Variants in COL6A6 observed in about 807,000 individuals in gnomAD.
The protein encoded by COL6A6 is collagen alpha-6(VI) chain.
COL6A6 carries 183 observed loss-of-function variants against 208.6 expected under a neutral mutation model. The ratio of observed to expected loss-of-function variants is 0.88; its 90% CI spans 0.78 to 0.99. The LOEUF is 0.99. COL6A6 is among the 50% of genes least tolerant of loss of function. The probability of loss-of-function intolerance (pLI) is 0.00; values close to 1 mark genes in which losing one functional copy is unlikely to be tolerated. For missense variants in COL6A6, 2,816 were observed against 2,815.2 expected (o/e 1.00, Z -0.01); for synonymous variants, 973 against 1,011.8 (o/e 0.96, Z 0.73).
chr3:130,600,522 A>G (rs2063981823), intron 20 of COL6A6, among the ~76,000 whole-genome samples: 1 of 152,218 alleles, frequency 6.6e-6, no homozygotes, highest in Non-Finnish European at 1.5e-5. Context: ...ACACCATGGA[A>G]TACTATGCAG....
intron 15 of COL6A6, 26 bp downstream of exon 15, chr3:130,592,748 C>T (rs2063751443): frequency 1.3e-6 from 2 of 1,582,644 alleles, no homozygotes; most frequent in Non-Finnish European, 1.7e-6. Context: ...CATCCATTTA[C>T]CTACCCATAT....
In COL6A6 at chr3:130,566,688, T is replaced by C. The variant is rs1187063732; in HGVS notation, c.1283-14T>C. On this transcript the variant is annotated splice_polypyrimidine_tract_variant and intron_variant, in intron 4 of 36. Transcript: ENST00000358511. ...TGCTCAAATGCCACATGCAACTTAT[T>C]GATTCCTTTTTAGGTTGTGTGGACA... 16 of 1,570,348 alleles carry C rather than the reference T, an allele frequency of 1.0e-5. No individual in the cohort carries two copies. Among genetic ancestry groups the C allele is most frequent in the Non-Finnish European group, 1.3e-5 (15 of 1,157,480 alleles).
chr3:130,540,464 C>T (rs1559964914), intron 1 of COL6A6, among the ~76,000 whole-genome samples: 1 of 56,470 alleles, frequency 1.8e-5, no homozygotes, highest in Non-Finnish European at 5.4e-5. Context: ...TTTCACTGAC[C>T]TACAGATCCT....
At chr3:130,659,924 C>T (rs944594491) in intron 34 of COL6A6, among the ~76,000 whole-genome samples, 3 of 152,234 alleles carry the variant, frequency 2.0e-5, no homozygotes. Context: ...TCAAATTTCC[C>T]TCTTTCCCTC....
At chr3:130,531,060 A>T (rs58910981) in intron 1 of COL6A6, among the ~76,000 whole-genome samples, 3 of 17,868 alleles carry the variant, frequency 1.7e-4, no homozygotes, top group African/African-American at 3.3e-4. Flanking sequence ...ACACACACAC[A>T]GTCTCTCTCT....
At chr3:130,641,575 A>T in intron 28 of COL6A6, 77 bp from the exon 29 acceptor site, 1 of 663,360 alleles carries the variant, frequency 1.5e-6, no homozygotes, top group Non-Finnish European at 2.3e-6. Context: ...TTTGAATTTT[A>T]ATTTTTTAAA....
chr3:130,595,930 G>C (rs1207391491), intron 18 of COL6A6, among the ~76,000 whole-genome samples: 1 of 152,274 alleles, frequency 6.6e-6, no homozygotes, highest in East Asian at 1.9e-4. Flanking sequence ...CAATGTATGA[G>C]AACGGTATTA....
intron 19 of COL6A6, among the ~76,000 whole-genome samples, chr3:130,598,728 AG>A (rs1168494993): frequency 1.3e-5 from 2 of 152,240 alleles, no homozygotes; most frequent in African/African-American, 4.8e-5. Flanking sequence ...GCTAGCTGAT[AG>A]AAAGAACTGT....
Position 130,565,357 on chromosome 3 carries a change from G to A in COL6A6, c.1025G>A (p.Arg342Gln), listed in dbSNP as rs368728937. ...VPQIAVLVTHRDSEDNVTKAA... is the reference protein window; with the variant it reads ...VPQIAVLVTHQDSEDNVTKAA... Reference sequence around the variant, plus strand: ...CAGATTGCCGTGCTGGTGACCCACCGAGATTCAGAAGACAACGTGACAAAA... The same window carrying A: ...CAGATTGCCGTGCTGGTGACCCACCAAGATTCAGAAGACAACGTGACAAAA... The change falls in exon 4 of 37, where the codon CGA becomes CAA. Residue 342 changes from arginine to glutamine, a missense_variant. Physicochemically the swap from Arg to Gln is conservative, Grantham distance 43 (BLOSUM62 1). Transcript: ENST00000358511. 1.9e-5 allele frequency: 30 copies of A among 1,613,930 alleles called. No individual in the cohort carries two copies. Among genetic ancestry groups the A allele is most frequent in the Admixed American group, 1.3e-4 (8 of 60,024 alleles).
In COL6A6 at chr3:130,549,372, G is replaced by A. The variant is rs550453537; in HGVS notation, c.-31-10962G>A. 9.9e-5 allele frequency among the ~76,000 whole-genome samples: 15 copies of A among 152,148 alleles called. No individual in the cohort carries two copies. The South Asian group carries it at 2.9e-3, about 30-fold the overall frequency. Reference sequence around the variant, plus strand: ...AGGCTCTCACTATGTTGCTCAGGCTGGCCTCAAACTCTTCAGTTTAATTGG... The same window carrying A: ...AGGCTCTCACTATGTTGCTCAGGCTAGCCTCAAACTCTTCAGTTTAATTGG... On this transcript the variant is annotated intron_variant, in intron 1 of 36. Coordinates refer to ENST00000358511, the MANE Select transcript of COL6A6 (RefSeq NM_001102608.3).
In COL6A6 at chr3:130,598,382, C is replaced by T. The variant is rs2108121709; in HGVS notation, c.4551C>T (p.Asp1517=). 1 of 1,549,662 alleles carries T rather than the reference C, an allele frequency of 6.5e-7. No individual in the cohort carries two copies. The highest frequency in any genetic ancestry group is 8.7e-7 in the Non-Finnish European group (1 of 1,145,014). The part of the protein sequence containing the change: ...LRGDPGAPGV[D]SSIEGPTGLK... ...ATTTTTAGGGAGCTCCTGGAGTTGA[C>T]AGTAGCATAGAAGGACCCACAGGCT... is the stretch of plus-strand genomic sequence containing the variant. The change falls in exon 19 of 37, where the codon GAC becomes GAT. Residue 1517 remains aspartate (D), a synonymous_variant. Transcript: ENST00000358511.
At chr3:130,609,052 C>A in intron 22 of COL6A6, 88 bp downstream of exon 22, 2 of 949,640 alleles carry the variant, frequency 2.1e-6, no homozygotes, top group Non-Finnish European at 3.3e-6. Context: ...ACCTTCAAAT[C>A]TCCCTTGCAG....
intron 1 of COL6A6, among the ~76,000 whole-genome samples, chr3:130,548,672 G>A (rs1413959550): frequency 6.6e-6 from 1 of 152,220 alleles, no homozygotes; most frequent in African/African-American, 2.4e-5. Flanking sequence ...TGAGTTCCCA[G>A]TAGAGCACCA....
intron 23 of COL6A6, 131 bp downstream of exon 23, chr3:130,610,842 A>T (rs1199625815): frequency 1.5e-6 from 1 of 655,628 alleles, no homozygotes. Flanking sequence ...ACTTCAGCTC[A>T]ATGTGGTGGC....
intron 1 of COL6A6, among the ~76,000 whole-genome samples, chr3:130,528,636 A>G (rs995370300): frequency 2.6e-5 from 4 of 152,168 alleles, no homozygotes; most frequent in African/African-American, 7.2e-5. Context: ...CACACACCAT[A>G]GTTTTCTGAC....
chr3:130,661,943 G>T lies in COL6A6; in HGVS notation c.6137G>T (p.Arg2046Met), dbSNP rs534977159. 5.6e-5 allele frequency: 90 copies of T among 1,613,968 alleles called. 1 individual carries two copies. The East Asian group carries it at 1.9e-3, about 34-fold the overall frequency. ...TTYRSKRLMK[R>M]HVHESVKQLN... ...TACAGAAGTAAGCGCCTCATGAAGAGGCATGTGCACGAGTCAGTTAAACAA... is the reference window on the plus strand; with the variant it reads ...TACAGAAGTAAGCGCCTCATGAAGATGCATGTGCACGAGTCAGTTAAACAA... The change falls in exon 35 of 37, where the codon AGG becomes ATG. Residue 2046 changes from arginine to methionine, a missense_variant. Transcript: ENST00000358511.
Position 130,608,917 on chromosome 3 carries a change from C to T in COL6A6, c.4705C>T (p.Pro1569Ser), listed in dbSNP as rs1383389724. The change falls in exon 22 of 37, where the codon CCA becomes TCA. Residue 1569 changes from proline (P) to serine (S), a missense_variant. Coordinates refer to ENST00000358511, the MANE Select transcript of COL6A6 (RefSeq NM_001102608.3). ...CTCGCCACAGGGAACAGCAGGCATC[C>T]CAGGACCAGATGGACTTGAAGGCTC... ...HTGPQGTAGI[P>S]GPDGLEGSLG... The T allele has an allele frequency of 5.6e-6, 9 of 1,613,306 alleles. No individual in the cohort carries two copies. Among genetic ancestry groups the T allele is most frequent in the Non-Finnish European group, 7.6e-6 (9 of 1,179,634 alleles).
intron 10 of COL6A6, among the ~76,000 whole-genome samples, 191 bp downstream of exon 10, chr3:130,582,259 C>G (rs1309915088): frequency 6.6e-6 from 1 of 152,182 alleles, no homozygotes; most frequent in Non-Finnish European, 1.5e-5. Flanking sequence ...TTCCTCATGC[C>G]TCATGTGTAT....
chr3:130,535,222 T>C (rs1476254098), intron 1 of COL6A6, among the ~76,000 whole-genome samples: 1 of 152,200 alleles, frequency 6.6e-6, no homozygotes, highest in African/African-American at 2.4e-5. Context: ...TTTTCTTTGC[T>C]TTACTCTGGG....
Sources: allele counts gnomAD v4.1 joint callset (sites outside exome capture counted in the v4.1 genomes callset), GRCh38; gene constraint gnomAD v4.1.1; transcripts MANE v1.5; gene names NCBI Gene and HGNC (gene_info 2026-07-23, HGNC 2026-07-21).